CTNNA3: variants seen among roughly 807,000 people sequenced by gnomAD.
CTNNA3 encodes the protein catenin alpha 3, also known as catenin alpha-3.
A neutral mutation model predicts 95.7 loss-of-function variants in CTNNA3; 76 were observed. That is an observed-to-expected ratio of 0.79 (90% CI 0.66 to 0.96). The LOEUF (loss-of-function observed/expected upper bound fraction) is 0.96, where lower values mean the gene tolerates loss of function less well. CTNNA3 is among the 40% of genes least tolerant of loss of function. The pLI, the probability that CTNNA3 is intolerant of heterozygous loss-of-function variation, is 0.00. For synonymous variants in CTNNA3, 431 were observed against 374.4 expected (o/e 1.15, Z -1.74); for missense variants, 1,191 against 1,089.8 (o/e 1.09, Z -1.31).
intron 9 of CTNNA3, among the ~76,000 whole-genome samples, chr10:66,679,462 G>C (rs1034647952): frequency 1.3e-5 from 2 of 152,154 alleles, no homozygotes; most frequent in African/African-American, 4.8e-5. Context: ...AAGTCTGTTG[G>C]GAGGTAGAAA....
chr10:66,391,573 A>G (rs1266191561), intron 11 of CTNNA3, among the ~76,000 whole-genome samples: 1 of 152,092 alleles, frequency 6.6e-6, no homozygotes, highest in Non-Finnish European at 1.5e-5. Flanking sequence ...ACTCTGTAAG[A>G]GTTAATGCTC....
intron 7 of CTNNA3, among the ~76,000 whole-genome samples, chr10:66,852,813 TA>T (rs201228185): frequency 0.011 from 1,649 of 152,186 alleles, 15 homozygotes; most frequent in Non-Finnish European, 0.019. Context: ...TTTTATGAAT[TA>T]AAAAAAACTT....
chr10:67,495,455 G>A (rs760396432), intron 5 of CTNNA3, among the ~76,000 whole-genome samples: 2 of 152,132 alleles, frequency 1.3e-5, no homozygotes, highest in Non-Finnish European at 2.9e-5. Flanking sequence ...AGATTCACTG[G>A]CCATCTCAGA....
intron 11 of CTNNA3, among the ~76,000 whole-genome samples, chr10:66,503,119 T>A (rs1369943813): frequency 6.6e-6 from 1 of 152,302 alleles, no homozygotes; most frequent in Non-Finnish European, 1.5e-5. Flanking sequence ...GCCAATAATG[T>A]TAGTAATAAC....
chr10:67,312,588 G>A (rs1840857449), intron 5 of CTNNA3, among the ~76,000 whole-genome samples: 1 of 152,150 alleles, frequency 6.6e-6, no homozygotes, highest in Admixed American at 6.5e-5. Context: ...TAATAAGGGG[G>A]AGAAGAGGAG....
rs374092489 is a variant in CTNNA3 at position 66,948,496 on chromosome 10, G to A, written c.1048-172972C>T. 8.5e-5 allele frequency among the ~76,000 whole-genome samples: 13 copies of A among 152,146 alleles called. 1 individual carries two copies. The highest frequency in any genetic ancestry group is 3.9e-4 in the Admixed American group (6 of 15,278). ...ATGTGACACTTTGTGACAACTGACCGATTCTTATTTTCAATGCTCTCAATT... is the reference window on the plus strand; with the variant it reads ...ATGTGACACTTTGTGACAACTGACCAATTCTTATTTTCAATGCTCTCAATT... On this transcript the variant is annotated intron_variant, in intron 7 of 17. Coordinates refer to ENST00000433211, the MANE Select transcript of CTNNA3 (RefSeq NM_013266.4).
At chr10:66,082,287 T>A (rs1303247963) in intron 14 of CTNNA3, among the ~76,000 whole-genome samples, 1 of 152,038 alleles carries the variant, frequency 6.6e-6, no homozygotes, top group Non-Finnish European at 1.5e-5. Context: ...ACCTCCTGAT[T>A]TGATGGACTG....
chr10:65,916,431 A>G lies in CTNNA3; in HGVS notation c.*3899T>C, dbSNP rs534149512. The G allele has an allele frequency of 4.6e-5, 7 of 152,266 alleles. No individual in the cohort carries two copies. In the South Asian group the frequency reaches 1.4e-3, roughly 32 times the overall value. The allele number at this position is 152,266 out of a possible 1,614,324, so 9.4% of individuals were successfully genotyped here. A position where few individuals can be genotyped will look rare whatever the true frequency, so the allele number is the denominator to read the frequency against. The stretch of plus-strand genomic sequence containing the variant: ...AAGTGAAAGAGGCTGTTTATTCTGC[A>G]ATGAGTTCACAAGAGAATGGTGGAT... On this transcript the variant is annotated 3_prime_UTR_variant, in exon 18 of 18. Coordinates refer to ENST00000433211, the MANE Select transcript of CTNNA3 (RefSeq NM_013266.4).
intron 5 of CTNNA3, among the ~76,000 whole-genome samples, chr10:67,428,114 C>T (rs1185002959): frequency 6.6e-6 from 1 of 152,034 alleles, no homozygotes. Flanking sequence ...GAATTCAAAA[C>T]AATTAACATA....
At chr10:66,468,729 T>C (rs1384737588) in intron 11 of CTNNA3, among the ~76,000 whole-genome samples, 2 of 151,928 alleles carry the variant, frequency 1.3e-5, no homozygotes, top group African/African-American at 4.8e-5. Context: ...TGTTATATAC[T>C]GTAAATATAA....
At chr10:66,603,656 A>C (rs1254804390) in intron 10 of CTNNA3, among the ~76,000 whole-genome samples, 2 of 152,186 alleles carry the variant, frequency 1.3e-5, no homozygotes, top group East Asian at 3.9e-4. Context: ...AAAGCTCGAC[A>C]TCATACTACA....
At chr10:65,981,627 A>G (rs2078321505) in intron 16 of CTNNA3, among the ~76,000 whole-genome samples, 1 of 152,070 alleles carries the variant, frequency 6.6e-6, no homozygotes, top group Non-Finnish European at 1.5e-5. Context: ...CCAAAACAGC[A>G]TAGTACTGGT....
chr10:67,601,425 G>T (rs919052529), intron 3 of CTNNA3, among the ~76,000 whole-genome samples: 1 of 152,084 alleles, frequency 6.6e-6, no homozygotes, highest in African/African-American at 2.4e-5. Flanking sequence ...ATCTAATGCC[G>T]CAGCTGATCT....
intron 9 of CTNNA3, among the ~76,000 whole-genome samples, chr10:66,743,279 A>T (rs956911636): frequency 6.6e-6 from 1 of 152,224 alleles, no homozygotes; most frequent in African/African-American, 2.4e-5. Flanking sequence ...GATACAGAAT[A>T]GTACCTAATC....
intron 15 of CTNNA3, among the ~76,000 whole-genome samples, chr10:66,045,927 G>T (rs1211387779): frequency 1.3e-5 from 2 of 152,104 alleles, no homozygotes; most frequent in Admixed American, 6.5e-5. Flanking sequence ...TTATCTAAGA[G>T]GTATGTGTAA....
At chr10:66,211,983 G>GT (rs61453326) in intron 13 of CTNNA3, among the ~76,000 whole-genome samples, 18,161 of 94,294 alleles carry the variant, frequency 0.19, 2,188 homozygotes, top group African/African-American at 0.33. Context: ...TTGTTTTTGG[G>GT]TTTTTTTTTT....
chr10:66,409,300 T>C (rs2093082054), intron 11 of CTNNA3, among the ~76,000 whole-genome samples: 1 of 152,142 alleles, frequency 6.6e-6, no homozygotes, highest in African/African-American at 2.4e-5. Flanking sequence ...TGCTCTAACT[T>C]TGCTTCATGT....
At chr10:67,221,846 T>C (rs1288981832) in intron 5 of CTNNA3, among the ~76,000 whole-genome samples, 1 of 152,124 alleles carries the variant, frequency 6.6e-6, no homozygotes, top group East Asian at 1.9e-4. Context: ...AGTGGAAAAA[T>C]TTCTTATTTG....
chr10:67,061,845 T>C (rs1381847890), intron 7 of CTNNA3, among the ~76,000 whole-genome samples: 1 of 152,284 alleles, frequency 6.6e-6, no homozygotes, highest in Non-Finnish European at 1.5e-5. Flanking sequence ...AGAGGGAGAA[T>C]ATTTAACATT....
Sources: allele counts gnomAD v4.1 joint callset (sites outside exome capture counted in the v4.1 genomes callset), GRCh38; gene constraint gnomAD v4.1.1; transcripts MANE v1.5; gene names NCBI Gene and HGNC (gene_info 2026-07-23, HGNC 2026-07-21).